The following TTN variants were observed in gnomAD, a reference collection of about 807,000 sequenced individuals.
TTN encodes the protein connectin.
TTN carries 1,525 observed loss-of-function variants against 3,223.0 expected under a neutral mutation model. That is an observed-to-expected ratio of 0.47 (90% CI 0.45 to 0.49). The LOEUF is 0.49. Among genes scored for constraint, TTN ranks in the 20% least tolerant of loss-of-function variants. The probability of loss-of-function intolerance (pLI) is 0.00; values close to 1 mark genes in which losing one functional copy is unlikely to be tolerated. For synonymous variants in TTN, 14,094 were observed against 15,161.0 expected (o/e 0.93, Z 5.17); for missense variants, 40,786 against 43,424.0 (o/e 0.94, Z 5.40).
chr2:178,706,543 A>G lies in TTN; in HGVS notation c.29331T>C (p.His9777=). ...GLYRCVAFNE[H]GEIESNVNLQ... ...AGTTAACATTACTTTCAATTTCACCATGTTCGTTAAATGCCACGCATCGGT... is the reference window on the plus strand; with the variant it reads ...AGTTAACATTACTTTCAATTTCACCGTGTTCGTTAAATGCCACGCATCGGT... Residue 9777 remains histidine (H), a synonymous_variant, in exon 102 of 363, where the codon CAT becomes CAC. Transcript: ENST00000589042. The G allele has an allele frequency of 6.2e-7, 1 of 1,613,722 alleles. No homozygotes were observed. The highest frequency in any genetic ancestry group is 8.5e-7 in the Non-Finnish European group (1 of 1,179,780).
At chr2:178,803,602 GA>G (rs2094170911) in intron 2 of TTN, among the ~76,000 whole-genome samples, 1 of 151,170 alleles carries the variant, frequency 6.6e-6, no homozygotes, top group Non-Finnish European at 1.5e-5. Flanking sequence ...GAAAAAAAGA[GA>G]AAAAAAGAAA....
Position 178,559,704 on chromosome 2 carries a change from G to C in TTN, c.86428C>G (p.Leu28810Val). The C allele has an allele frequency of 1.9e-6, 3 of 1,607,020 alleles. No individual in the cohort carries two copies. Among genetic ancestry groups the C allele is most frequent in the Non-Finnish European group, 2.6e-6 (3 of 1,176,268 alleles). ...TTTCTGTTGGCATTTTCAATGGTCA[G>C]TGATGTACGAGAGTCTGTGGTATCA... ...YVDTTDSRTS[L>V]TIENANRNDS... Residue 28810 changes from leucine to valine, a missense_variant, in exon 326 of 363, where the codon CTG becomes GTG. Leu to Val is a conservative substitution (Grantham distance 32, BLOSUM62 1). Coordinates refer to ENST00000589042, the MANE Select transcript of TTN (RefSeq NM_001267550.2).
At position 178,608,053 on chromosome 2, in the gene TTN, G is replaced by C; in HGVS notation, c.52734C>G (p.Val17578=). Residue 17578 remains valine, a synonymous_variant, in exon 276 of 363, where the codon GTC becomes GTG. Transcript: ENST00000589042. ...ISPPGPPIPR[V]TDTSSTTIEL... is the part of the protein sequence containing the mutation. ...CAATAGTTGTAGAGCTTGTGTCAGT[G>C]ACTCTTGGGATAGGTGGCCCAGGAG... 6.2e-7 allele frequency: 1 copy of C among 1,612,564 alleles called. No homozygotes were observed. The highest frequency in any genetic ancestry group is 8.5e-7 in the Non-Finnish European group (1 of 1,179,224).
chr2:178,668,173 T>C (rs2154262456), intron 159 of TTN, among the ~76,000 whole-genome samples: 1 of 152,274 alleles, frequency 6.6e-6, no homozygotes, highest in East Asian at 1.9e-4. Context: ...ATATATGGTT[T>C]CACAGTTTAA....
Position 178,534,866 on chromosome 2 carries a change from C to T in TTN, c.101749G>A (p.Val33917Ile), listed in dbSNP as rs768379988. 27 of 1,608,456 alleles carry T rather than the reference C, an allele frequency of 1.7e-5. No individual in the cohort carries two copies. The highest frequency in any genetic ancestry group is 2.1e-5 in the Non-Finnish European group (25 of 1,179,808). ...TCACAGACCTGGTGAACATAACTTA[C>T]AATTTCTCTTTCATTAAGTTCAAAA... is the stretch of plus-strand genomic sequence containing the variant. ...SAFELNEREI[V>I]SYVHQVCEAL... Residue 33917 changes from valine to isoleucine, a missense_variant, in exon 358 of 363, where the codon GTA (valine) becomes ATA (isoleucine). Physicochemically the swap from Val to Ile is conservative, Grantham distance 29. Coordinates refer to ENST00000589042, the MANE Select transcript of TTN (RefSeq NM_001267550.2).
Position 178,717,511 on chromosome 2 carries a change from T to G in TTN, c.25351+12A>C. 1 of 1,588,930 alleles carries G rather than the reference T, an allele frequency of 6.3e-7. No homozygotes were observed. Among genetic ancestry groups the G allele is most frequent in the South Asian group, 1.2e-5 (1 of 86,182 alleles). On this transcript the variant is annotated intron_variant, in intron 87 of 362. Coordinates refer to ENST00000589042, the MANE Select transcript of TTN (RefSeq NM_001267550.2). ...CTGCTTTACAATGAAGAGGGTACTG[T>G]GAGTTACTCACCTGAGAGAATGAGC...
chr2:178,694,720 G>A (rs979061190), intron 116 of TTN, 44 bp from the exon 117 acceptor site: 1 of 1,513,040 alleles, frequency 6.6e-7, no homozygotes, highest in Non-Finnish European at 8.9e-7. Flanking sequence ...GAAGAATATT[G>A]CTTTGCACAA....
In TTN at chr2:178,581,807, G is replaced by A. The variant is rs377214719; in HGVS notation, c.66464-3C>T. 1 of 1,593,696 alleles carries A rather than the reference G, an allele frequency of 6.3e-7. No homozygotes were observed. Among genetic ancestry groups the A allele is most frequent in the African/African-American group, 1.4e-5 (1 of 73,836 alleles). ...GAAAGCCGGTGGGCCAGGAGGATCT[G>A]AGAATAAATAATGATAGGAAATTTT... On this transcript the variant is annotated splice_polypyrimidine_tract_variant and splice_region_variant and intron_variant, in intron 315 of 362. Transcript: ENST00000589042.
Position 178,739,764 on chromosome 2 carries a change from G to A in TTN, c.13469C>T (p.Ala4490Val), listed in dbSNP as rs2082155002. 6.2e-7 allele frequency: 1 copy of A among 1,613,848 alleles called. No individual in the cohort carries two copies. Among genetic ancestry groups the A allele is most frequent in the East Asian group, 2.2e-5 (1 of 44,870 alleles). Residue 4490 changes from alanine to valine, a missense_variant, in exon 48 of 363, where the codon GCT becomes GTT. By Grantham distance (64) the Ala-to-Val change is moderately conservative (BLOSUM62 0). Transcript: ENST00000589042. ...TCCTTGCTGAATTCTAGGACCCTCA[G>A]CTGTTAGGATGTCTATTTCCTCATA... is the stretch of plus-strand genomic sequence containing the variant. ...IIYEEIDILTAEGPRIQQGAK... is the reference protein window; with the variant it reads ...IIYEEIDILTVEGPRIQQGAK...
At chr2:178,730,021 TC>T in intron 62 of TTN, 71 bp downstream of exon 62, 2 of 1,558,148 alleles carry the variant, frequency 1.3e-6, no homozygotes, top group Non-Finnish European at 1.8e-6. Context: ...GTCTTAAGCG[TC>T]CCCCGCCCCG....
chr2:178,769,900 G>A lies in TTN; in HGVS notation c.8681C>T (p.Pro2894Leu). 6.2e-7 allele frequency: 1 copy of A among 1,614,048 alleles called. No individual in the cohort carries two copies. Among genetic ancestry groups the A allele is most frequent in the Non-Finnish European group, 8.5e-7 (1 of 1,179,988 alleles). The change falls in exon 37 of 363, where the codon CCT (proline) becomes CTT (leucine). Residue 2894 changes from proline to leucine, a missense_variant. Pro to Leu is a moderately conservative substitution (Grantham distance 98). Transcript: ENST00000589042. ...CTCAAAAGAGGCAGTTTTGGTCTCA[G>A]GCACCTCGATATTTTTCATGGTTTT... The part of the protein sequence containing the change: ...ITKTMKNIEV[P>L]ETKTASFECE...
intron 210 of TTN, 27 bp from the exon 211 acceptor site, chr2:178,649,921 A>G: frequency 6.3e-7 from 1 of 1,593,324 alleles, no homozygotes; most frequent in Non-Finnish European, 8.5e-7. Context: ...TTCTTTTAGA[A>G]TTAGGTGATT....
In TTN at chr2:178,629,376, G is replaced by A. The variant is rs367744803; in HGVS notation, c.44349C>T (p.Phe14783=). The change falls in exon 240 of 363, where the codon TTC becomes TTT. Residue 14783 remains phenylalanine, a synonymous_variant. Transcript: ENST00000589042. ...VTVTAGETAT[F]DCELSYEDIP... ...TATCTTCGTAGGAGAGCTCGCAGTC[G>A]AAGGTGGCTGTTTCCCCTGCAGTCA... is the stretch of plus-strand genomic sequence containing the variant. The A allele has an allele frequency of 2.0e-5, 33 of 1,613,010 alleles. No individual in the cohort carries two copies. Among genetic ancestry groups the A allele is most frequent in the Non-Finnish European group, 2.5e-5 (29 of 1,179,346 alleles).
Position 178,679,676 on chromosome 2 carries a change from T to C in TTN, c.33587A>G (p.Glu11196Gly), listed in dbSNP as rs1404287781. The stretch of plus-strand genomic sequence containing the variant: ...TTCTGGAACAGGTTTCCTGGGTACC[T>C]CAGGCACTTTAAAGATATTATTAAG... ...VVPVIPVKVP[E>G]VPRKPVPEEK... is the part of the protein sequence containing the mutation. The change falls in exon 141 of 363, where the codon GAG becomes GGG. Residue 11196 changes from glutamate to glycine, a missense_variant. Physicochemically the swap from Glu to Gly is moderately conservative, Grantham distance 98. Transcript: ENST00000589042. 6.2e-7 allele frequency: 1 copy of C among 1,607,926 alleles called. No individual in the cohort carries two copies. Among genetic ancestry groups the C allele is most frequent in the Non-Finnish European group, 8.5e-7 (1 of 1,177,956 alleles).
intron 155 of TTN, 101 bp from the exon 156 acceptor site, chr2:178,671,271 TA>T: frequency 1.4e-6 from 1 of 731,870 alleles, no homozygotes; most frequent in South Asian, 2.5e-5. Flanking sequence ...ATTCTTTATC[TA>T]TATTTTTTTA....
At chr2:178,698,617 T>G (rs2074158233) in intron 112 of TTN, among the ~76,000 whole-genome samples, 1 of 151,996 alleles carries the variant, frequency 6.6e-6, no homozygotes, top group African/African-American at 2.4e-5. Context: ...TACACTGGTG[T>G]TGTCATTGGT....
At chr2:178,668,899 G>T (rs2066457958) in intron 159 of TTN, among the ~76,000 whole-genome samples, 2 of 151,058 alleles carry the variant, frequency 1.3e-5, no homozygotes, top group African/African-American at 4.9e-5. Context: ...AAGGTCGTGA[G>T]AATTCTTTTG....
intron 115 of TTN, 129 bp downstream of exon 115, chr2:178,695,219 C>T (rs2073423982): frequency 1.6e-6 from 1 of 622,960 alleles, no homozygotes; most frequent in Non-Finnish European, 2.7e-6. Flanking sequence ...AAAAAAAAAT[C>T]ATTCACAATA....
At position 178,601,020 on chromosome 2, in the gene TTN, T is replaced by C. The variant is rs776653880; in HGVS notation, c.55884A>G (p.Lys18628=). 5.0e-6 allele frequency: 8 copies of C among 1,613,098 alleles called. No homozygotes were observed. The Admixed American group carries it at 1.2e-4, about 24-fold the overall frequency. The part of the protein sequence containing the change: ...CLAWDPTGTK[K]EAWRQCNKRD... Reference sequence around the variant, plus strand: ...GCTTATTGCACTGCCTCCAGGCTTCTTTCTTTGTCCCAGTAGGGTCCCATG... The same window carrying C: ...GCTTATTGCACTGCCTCCAGGCTTCCTTCTTTGTCCCAGTAGGGTCCCATG... Residue 18628 remains lysine (K), a synonymous_variant, in exon 288 of 363, where the codon AAA becomes AAG. Transcript: ENST00000589042.
Sources: allele counts gnomAD v4.1 joint callset (sites outside exome capture counted in the v4.1 genomes callset), GRCh38; gene constraint gnomAD v4.1.1; transcripts MANE v1.5; gene names NCBI Gene and HGNC (gene_info 2026-07-23, HGNC 2026-07-21).